Variants in EFCAB5 observed in about 807,000 individuals in gnomAD.
EFCAB5 encodes EF-hand calcium binding domain 5, also known as EF-hand calcium-binding domain-containing protein 5.
Under a neutral mutation model 167.9 loss-of-function variants are expected in EFCAB5, and 131 were observed. That is an observed-to-expected ratio of 0.78 (90% CI 0.68 to 0.90). EFCAB5 has a LOEUF of 0.90. Ranked by LOEUF, EFCAB5 falls within the 40% of genes least tolerant of loss-of-function variation. The pLI, the probability that EFCAB5 is intolerant of heterozygous loss-of-function variation, is 0.00. For missense variants in EFCAB5, 1,663 were observed against 1,745.2 expected, an observed-to-expected ratio of 0.95 and a Z score of 0.84; for synonymous variants, 574 against 602.8, an observed-to-expected ratio of 0.95 and a Z score of 0.70.
Position 29,951,644 on chromosome 17 carries a change from C to T in EFCAB5, c.190+7995C>T, listed in dbSNP as rs78500258. 2.2e-3 allele frequency among the ~76,000 whole-genome samples: 334 copies of T among 152,094 alleles called. 1 individual carries two copies. Among genetic ancestry groups the T allele is most frequent in the African/African-American group, 7.5e-3 (312 of 41,456 alleles). The stretch of plus-strand genomic sequence containing the variant: ...TGCTGGGATTACAGGTGTGAGCCAC[C>T]GCACCCAGCCAGGATATTGGTTTTT... On this transcript the variant is annotated intron_variant, in intron 3 of 22. Coordinates refer to ENST00000394835, the MANE Select transcript of EFCAB5 (RefSeq NM_198529.4).
At chr17:30,104,697 C>A (rs1330123310) in intron 22 of EFCAB5, among the ~76,000 whole-genome samples, 3 of 152,076 alleles carry the variant, frequency 2.0e-5, no homozygotes, top group Non-Finnish European at 1.5e-5. Flanking sequence ...TAGCACTCAA[C>A]CGTTAATAGG....
At chr17:29,987,233 G>C (rs1183737696) in intron 4 of EFCAB5, among the ~76,000 whole-genome samples, 1 of 152,102 alleles carries the variant, frequency 6.6e-6, no homozygotes, top group Non-Finnish European at 1.5e-5. Context: ...GGCTGTGTTC[G>C]ACAGGTGTTG....
At chr17:30,059,292 G>A (rs2070361514) in intron 13 of EFCAB5, 2 of 287,152 alleles carry the variant, frequency 7.0e-6, no homozygotes, top group Non-Finnish European at 1.3e-5. Flanking sequence ...TAAGACTGAG[G>A]TCTCACTGTG....
intron 7 of EFCAB5, among the ~76,000 whole-genome samples, chr17:30,030,816 G>T (rs965689859): frequency 1.3e-5 from 2 of 151,942 alleles, no homozygotes; most frequent in African/African-American, 4.8e-5. Context: ...ACCACTCTTG[G>T]CTAAATTTTT....
intron 22 of EFCAB5, among the ~76,000 whole-genome samples, chr17:30,100,490 G>A (rs1166871640): frequency 2.6e-5 from 4 of 152,130 alleles, no homozygotes; most frequent in Admixed American, 6.6e-5. Flanking sequence ...GATTTAGGCC[G>A]GGCGTGGTGG....
chr17:30,026,128 C>A (rs953336569), intron 7 of EFCAB5, among the ~76,000 whole-genome samples: 14 of 151,450 alleles, frequency 9.2e-5, no homozygotes, highest in African/African-American at 3.2e-4. Flanking sequence ...ATGTAACTAA[C>A]CTGCACATTG....
chr17:30,053,605 G>C lies in EFCAB5; in HGVS notation c.1651G>C (p.Glu551Gln), dbSNP rs773722896. 2 of 1,613,912 alleles carry C rather than the reference G, an allele frequency of 1.2e-6. No individual in the cohort carries two copies. The highest frequency in any genetic ancestry group is 1.7e-6 in the Non-Finnish European group (2 of 1,179,856). ...AGTAATAGAACCAGGAACACACACA[G>C]AGTCAACTCTAGAACAAGGGTCAAG... Reference protein sequence around the residue: ...ESVIEPGTHTESTLEQGSSRR... With the variant: ...ESVIEPGTHTQSTLEQGSSRR... The change falls in exon 10 of 23, where the codon GAG becomes CAG. Residue 551 changes from glutamate to glutamine, a missense_variant. By Grantham distance (29) the Glu-to-Gln change is conservative (BLOSUM62 2). Transcript: ENST00000394835.
At chr17:30,016,931 C>G (rs2069056353) in intron 7 of EFCAB5, among the ~76,000 whole-genome samples, 1 of 152,072 alleles carries the variant, frequency 6.6e-6, no homozygotes, top group Admixed American at 6.6e-5. Flanking sequence ...AATCCCAGCA[C>G]TTTGGGAGGC....
At chr17:30,073,335 GCA>G in intron 14 of EFCAB5, 3 of 544,264 alleles carry the variant, frequency 5.5e-6, no homozygotes, top group Non-Finnish European at 9.7e-6. Context: ...GGGATTACAG[GCA>G]TGAGCCACCA....
intron 3 of EFCAB5, among the ~76,000 whole-genome samples, chr17:29,946,292 C>T (rs1429971260): frequency 6.6e-6 from 1 of 152,052 alleles, no homozygotes; most frequent in Non-Finnish European, 1.5e-5. Flanking sequence ...TACTACCTTA[C>T]TCCTGCAAGA....
At chr17:29,933,249 A>G (rs938834962) in intron 1 of EFCAB5, among the ~76,000 whole-genome samples, 2 of 152,248 alleles carry the variant, frequency 1.3e-5, no homozygotes, top group Non-Finnish European at 2.9e-5. Context: ...AAAGTTCTAT[A>G]GAAACAAAGG....
intron 10 of EFCAB5, 32 bp downstream of exon 10, chr17:30,054,180 C>T (rs1332268636): frequency 1.1e-5 from 17 of 1,483,494 alleles, no homozygotes; most frequent in Non-Finnish European, 1.5e-5. Flanking sequence ...AACATCAGTT[C>T]CCTGTTTTGT....
At chr17:30,091,498 A>G (rs1288490223) in intron 20 of EFCAB5, among the ~76,000 whole-genome samples, 1 of 152,188 alleles carries the variant, frequency 6.6e-6, no homozygotes, top group East Asian at 1.9e-4. Context: ...TACATATATC[A>G]TCTTCTCTAA....
At position 30,092,728 on chromosome 17, in the gene EFCAB5, G is replaced by A. The variant is rs2151850250; in HGVS notation, c.4225-112G>A. The stretch of plus-strand genomic sequence containing the variant: ...TCTTCACTTCTAACACCATTGATTG[G>A]TTTTGCCTATTTTAAAATCTATATA... On this transcript the variant is annotated intron_variant, in intron 21 of 22. Transcript: ENST00000394835. The A allele has an allele frequency of 4.4e-6, 3 of 679,774 alleles. No individual in the cohort carries two copies. The East Asian group carries it at 9.3e-5, about 21-fold the overall frequency. 42.1% of individuals were successfully genotyped at this position (679,774 alleles called of 1,614,324 possible). A position where few individuals can be genotyped will look rare whatever the true frequency, so the allele number is the denominator to read the frequency against.
At chr17:29,988,538 G>A (rs1021901025) in intron 4 of EFCAB5, among the ~76,000 whole-genome samples, 1 of 152,052 alleles carries the variant, frequency 6.6e-6, no homozygotes, top group African/African-American at 2.4e-5. Flanking sequence ...ACCTTCAATT[G>A]GTTTAAATTT....
chr17:30,008,359 G>A (rs554446007), intron 7 of EFCAB5, among the ~76,000 whole-genome samples: 4 of 152,258 alleles, frequency 2.6e-5, no homozygotes, highest in East Asian at 1.9e-4. Context: ...TTGGGAGGCC[G>A]AGGCAGGCAG....
intron 3 of EFCAB5, among the ~76,000 whole-genome samples, chr17:29,949,106 C>A (rs1166021905): frequency 1.3e-5 from 2 of 152,142 alleles, no homozygotes; most frequent in Non-Finnish European, 2.9e-5. Flanking sequence ...ATGTTATATG[C>A]CTCCTTGTGA....
intron 3 of EFCAB5, among the ~76,000 whole-genome samples, chr17:29,959,182 G>A (rs1470856714): frequency 1.3e-5 from 2 of 151,834 alleles, no homozygotes; most frequent in Admixed American, 6.6e-5. Context: ...AAGGCCCAAG[G>A]GCTCTTTAGT....
intron 7 of EFCAB5, among the ~76,000 whole-genome samples, chr17:30,016,091 G>A (rs995612662): frequency 2.0e-5 from 3 of 151,844 alleles, no homozygotes; most frequent in Admixed American, 6.6e-5. Context: ...TTTTATTATT[G>A]GATCATAACT....
Sources: allele counts gnomAD v4.1 joint callset (sites outside exome capture counted in the v4.1 genomes callset), GRCh38; gene constraint gnomAD v4.1.1; transcripts MANE v1.5; gene names NCBI Gene and HGNC (gene_info 2026-07-23, HGNC 2026-07-21).